Variants in HHAT observed in about 807,000 individuals in gnomAD.
HHAT encodes hedgehog acyltransferase.
In HHAT, 47 loss-of-function variants were observed where a neutral mutation model predicts 70.8. The ratio of observed to expected loss-of-function variants is 0.66; its 90% CI spans 0.53 to 0.85. The LOEUF is 0.85. Among genes scored for constraint, HHAT ranks in the 40% least tolerant of loss-of-function variants. The pLI, the probability that HHAT is intolerant of heterozygous loss-of-function variation, is 0.00. For synonymous variants in HHAT, 228 were observed against 247.6 expected, an observed-to-expected ratio of 0.92 and a Z score of 0.74; for missense variants, 609 against 604.8, an observed-to-expected ratio of 1.01 and a Z score of -0.07.
intron 7 of HHAT, among the ~76,000 whole-genome samples, chr1:210,431,930 A>G (rs74156158): frequency 0.016 from 2,499 of 152,002 alleles, 126 homozygotes; most frequent in African/African-American, 0.056. Context: ...TTTAAATGTT[A>G]TAATTGTTTT....
In HHAT at chr1:210,676,229, C is replaced by G. The variant is rs1681040042; in HGVS notation, c.*1850C>G. On this transcript the variant is annotated 3_prime_UTR_variant, in exon 12 of 12. Coordinates refer to ENST00000261458, the MANE Select transcript of HHAT (RefSeq NM_018194.6). The stretch of plus-strand genomic sequence containing the variant: ...ATTTGAAAGTGGTAATCCTGAATCT[C>G]TTTTAAACTATTATATGATTCATAA... 2 of 152,134 alleles carry G rather than the reference C, an allele frequency of 1.3e-5. No homozygotes were observed. The highest frequency in any genetic ancestry group is 1.3e-4 in the Admixed American group (2 of 15,276). The allele number at this position is 152,134 out of a possible 1,614,324, so 9.4% of individuals were successfully genotyped here.
rs1040066135 is a variant in HHAT at position 210,400,569 on chromosome 1, C to G, written c.375C>G (p.Phe125Leu). The change falls in exon 5 of 12, where the codon TTC (phenylalanine) becomes TTG (leucine). Residue 125 changes from phenylalanine to leucine, a missense_variant. Phe to Leu is a conservative substitution (Grantham distance 22). Coordinates refer to ENST00000261458, the MANE Select transcript of HHAT (RefSeq NM_018194.6). ...TTTTGCTCCATACCACCATCTCTTT[C>G]TGCGTGGCCCAGTTCCGGTCTCAGC... ...AMVLLHTTIS[F>L]CVAQFRSQLL... is the part of the protein sequence containing the mutation. 8 of 1,614,016 alleles carry G rather than the reference C, an allele frequency of 5.0e-6. No homozygotes were observed. Among genetic ancestry groups the G allele is most frequent in the Non-Finnish European group, 6.8e-6 (8 of 1,180,024 alleles).
intron 8 of HHAT, among the ~76,000 whole-genome samples, chr1:210,487,999 C>T (rs1398948630): frequency 6.6e-6 from 1 of 152,158 alleles, no homozygotes; most frequent in Non-Finnish European, 1.5e-5. Flanking sequence ...ACATTAGTTT[C>T]AATCATCTGG....
At chr1:210,630,914 A>T (rs1573870385) in intron 11 of HHAT, 1 of 388,390 alleles carries the variant, frequency 2.6e-6, no homozygotes, top group Admixed American at 3.1e-5. Context: ...GAGCTGCAGG[A>T]TGGAAACTGA....
At chr1:210,616,465 T>A (rs189193092) in intron 10 of HHAT, among the ~76,000 whole-genome samples, 409 of 152,350 alleles carry the variant, frequency 2.7e-3, no homozygotes, top group African/African-American at 8.8e-3. Flanking sequence ...GGATCCCAGT[T>A]ACTTTTAAAA....
At position 210,404,762 on chromosome 1, in the gene HHAT, C is replaced by T. The variant is rs185921652; in HGVS notation, c.684+83C>T. The T allele has an allele frequency of 2.8e-5, 32 of 1,152,874 alleles. No homozygotes were observed. The African/African-American group carries it at 3.2e-4, about 12-fold the overall frequency. The allele number at this position is 1,152,874 out of a possible 1,614,324, so 71.4% of individuals were successfully genotyped here. A position where few individuals can be genotyped will look rare whatever the true frequency, so the allele number is the denominator to read the frequency against. ...CTCTGGTCTTCTCTGACTCTTGAGT[C>T]GTTTTGTTCAGAGGTGCCCACAGAT... On this transcript the variant is annotated intron_variant, in intron 6 of 11. Transcript: ENST00000261458.
At chr1:210,596,338 C>G (rs1663002636) in intron 10 of HHAT, among the ~76,000 whole-genome samples, 1 of 152,118 alleles carries the variant, frequency 6.6e-6, no homozygotes, top group Non-Finnish European at 1.5e-5. Flanking sequence ...AGTAACCTTC[C>G]TGTACTTGAA....
intron 3 of HHAT, among the ~76,000 whole-genome samples, chr1:210,377,476 A>G (rs1473185520): frequency 6.6e-6 from 1 of 152,154 alleles, no homozygotes; most frequent in Non-Finnish European, 1.5e-5. Flanking sequence ...GAGGAAAGGA[A>G]AGGTGGGAAT....
chr1:210,352,007 T>G (rs2087074531), intron 2 of HHAT, among the ~76,000 whole-genome samples: 1 of 152,212 alleles, frequency 6.6e-6, no homozygotes, highest in Non-Finnish European at 1.5e-5. Flanking sequence ...TTTACCCACA[T>G]GAGGACACTG....
At chr1:210,590,614 A>G (rs1661500073) in intron 10 of HHAT, 1 of 150,246 alleles carries the variant, frequency 6.7e-6, no homozygotes, top group Non-Finnish European at 1.5e-5. Context: ...GCTTGAAGAC[A>G]GAAAAAAATA....
At chr1:210,528,056 A>G (rs2095271811) in intron 9 of HHAT, among the ~76,000 whole-genome samples, 2 of 152,224 alleles carry the variant, frequency 1.3e-5, no homozygotes, top group African/African-American at 2.4e-5. Flanking sequence ...GCAAAAAGAC[A>G]TGCAATTCCT....
intron 3 of HHAT, among the ~76,000 whole-genome samples, chr1:210,382,512 A>G (rs765566298): frequency 6.2e-4 from 94 of 152,208 alleles, no homozygotes; most frequent in Non-Finnish European, 1.2e-3. Context: ...TTGGGCATCT[A>G]GGAGACAGAT....
At position 210,674,280 on chromosome 1, in the gene HHAT, C is replaced by T; in HGVS notation, c.1391-8C>T. On this transcript the variant is annotated splice_polypyrimidine_tract_variant and splice_region_variant and intron_variant, in intron 11 of 11. Transcript: ENST00000261458. ...AACTGCTCTTCCATCTCTGTCCTCC[C>T]TCTGCAGGCTGGCCTTGGGTGACCC... 6.2e-7 allele frequency: 1 copy of T among 1,610,330 alleles called. No homozygotes were observed. Among genetic ancestry groups the T allele is most frequent in the Non-Finnish European group, 8.5e-7 (1 of 1,176,560 alleles).
intron 11 of HHAT, 77 bp from the exon 12 acceptor site, chr1:210,674,211 G>C: frequency 8.1e-7 from 1 of 1,234,988 alleles, no homozygotes. Flanking sequence ...TTCTCCAAAA[G>C]GGGACAGTTT....
At position 210,383,619 on chromosome 1, in the gene HHAT, G is replaced by A. The variant is rs77900549; in HGVS notation, c.160-3849G>A. ...AATATGCAACATCAAGAGTGAACCC[G>A]AATATAAACCATGGACTTTGGGGTA... On this transcript the variant is annotated intron_variant, in intron 3 of 11. Transcript: ENST00000261458. 4.7e-3 allele frequency among the ~76,000 whole-genome samples: 719 copies of A among 152,192 alleles called. 5 individuals carry two copies. The highest frequency in any genetic ancestry group is 0.016 in the African/African-American group (677 of 41,508).
intron 7 of HHAT, among the ~76,000 whole-genome samples, chr1:210,419,887 C>T (rs2092841806): frequency 6.6e-6 from 1 of 152,146 alleles, no homozygotes; most frequent in Non-Finnish European, 1.5e-5. Flanking sequence ...ACTGTTTCAG[C>T]TTGAGGGTTT....
intron 6 of HHAT, among the ~76,000 whole-genome samples, chr1:210,414,734 T>A (rs1214981208): frequency 6.6e-6 from 1 of 152,042 alleles, no homozygotes; most frequent in Non-Finnish European, 1.5e-5. Flanking sequence ...AAGAACCAAT[T>A]TGGCTGGGTG....
chr1:210,596,169 G>C (rs1662951115), intron 10 of HHAT, among the ~76,000 whole-genome samples: 1 of 152,180 alleles, frequency 6.6e-6, no homozygotes, highest in Admixed American at 6.5e-5. Flanking sequence ...AAGGGATCCA[G>C]TTTCAGCTTT....
intron 4 of HHAT, among the ~76,000 whole-genome samples, chr1:210,397,554 C>T (rs945692740): frequency 1.4e-4 from 10 of 69,534 alleles, no homozygotes; most frequent in African/African-American, 5.8e-4. Context: ...AAATGCAACA[C>T]AATTTTTTTT....
Sources: gnomAD v4.1 joint callset for allele counts (sites outside exome capture counted in the v4.1 genomes callset) on GRCh38, gnomAD v4.1.1 for gene constraint, MANE v1.5 for transcripts, NCBI Gene and HGNC (gene_info 2026-07-23, HGNC 2026-07-21) for gene names.